Variants in RECK observed in about 807,000 individuals in gnomAD.
The protein encoded by RECK is reversion-inducing cysteine-rich protein with Kazal motifs.
Under a neutral mutation model 115.1 loss-of-function variants are expected in RECK, and 69 were observed. The observed-to-expected ratio is 0.60, with a 90% confidence interval of 0.49 to 0.73. The LOEUF is 0.73. Among genes scored for constraint, RECK ranks in the 30% least tolerant of loss-of-function variants. RECK has a pLI of 0.00. For missense variants in RECK, 1,047 were observed against 1,203.7 expected (o/e 0.87, Z 1.93); for synonymous variants, 414 against 419.7 (o/e 0.99, Z 0.17).
chr9:36,121,467 C>A, intron 19 of RECK, 66 bp from the exon 20 acceptor site: 1 of 1,496,368 alleles, frequency 6.7e-7, no homozygotes, highest in Non-Finnish European at 9.1e-7. Flanking sequence ...CAGCCCAAAG[C>A]AAGGGAGCTT....
chr9:36,112,909 G>C (rs185674962), intron 16 of RECK, among the ~76,000 whole-genome samples: 1 of 152,296 alleles, frequency 6.6e-6, no homozygotes, highest in East Asian at 1.9e-4. Context: ...AAACAGAAAA[G>C]GTAACATAAG....
chr9:36,118,223 T>C (rs1824336472), intron 17 of RECK, among the ~76,000 whole-genome samples: 1 of 152,148 alleles, frequency 6.6e-6, no homozygotes, highest in Admixed American at 6.5e-5. Flanking sequence ...ATTGATCCCA[T>C]CTACCCTGAA....
In RECK at chr9:36,086,574, G is replaced by A. The variant is rs184633970; in HGVS notation, c.638-1120G>A. Among the ~76,000 whole-genome samples, 22 of 152,374 alleles carry A rather than the reference G, an allele frequency of 1.4e-4. No homozygotes were observed. In the East Asian group the frequency reaches 3.5e-3, roughly 24 times the overall value. On this transcript the variant is annotated intron_variant, in intron 8 of 20. Coordinates refer to ENST00000377966, the MANE Select transcript of RECK (RefSeq NM_021111.3). ...CACAGCATGGAAAGGGACTGGAGCA[G>A]GTTGCCACTGCTGGCTCGGGTGGCC...
rs11273343 is a variant in RECK, at chr9:36,104,292, GTATATATATATATA to G, written c.1436-829_1436-816del. 9.9e-3 allele frequency among the ~76,000 whole-genome samples: 436 copies of G among 43,880 alleles called. 9 individuals are homozygous for G. The highest frequency in any genetic ancestry group is 0.024 in the South Asian group (23 of 958). The allele number at this position is 43,880 out of a possible 152,430, so 28.8% of individuals were successfully genotyped here. ...ATACATAGCATGTGTGTGTGTGTGT[GTATATATATATATA>G]TATATATATATATATATATATTTTT... On this transcript the variant is annotated intron_variant, in intron 12 of 20. Transcript: ENST00000377966.
intron 6 of RECK, among the ~76,000 whole-genome samples, chr9:36,066,413 T>C (rs1318936837): frequency 1.3e-5 from 2 of 152,162 alleles, no homozygotes; most frequent in Non-Finnish European, 2.9e-5. Flanking sequence ...CCTATTGCTG[T>C]GTTTTCTTGG....
intron 8 of RECK, 27 bp downstream of exon 8, chr9:36,083,589 A>C: frequency 6.3e-7 from 1 of 1,594,662 alleles, no homozygotes; most frequent in Non-Finnish European, 8.6e-7. Context: ...TATTCTTCTC[A>C]TTTCAATCTT....
chr9:36,039,558 C>T (rs1325564725), intron 1 of RECK, among the ~76,000 whole-genome samples: 1 of 152,162 alleles, frequency 6.6e-6, no homozygotes, highest in Non-Finnish European at 1.5e-5. Context: ...AAATGACTTG[C>T]TCAATGGTTT....
chr9:36,060,153 C>T lies in RECK; in HGVS notation c.269C>T (p.Pro90Leu), dbSNP rs1402384149. The T allele has an allele frequency of 3.1e-6, 5 of 1,612,886 alleles. No homozygotes were observed. Among genetic ancestry groups the T allele is most frequent in the Non-Finnish European group, 4.2e-6 (5 of 1,179,258 alleles). Residue 90 changes from proline (P) to leucine (L), a missense_variant and splice_region_variant, in exon 4 of 21, where the codon CCA (proline) becomes CTA (leucine). Coordinates refer to ENST00000377966, the MANE Select transcript of RECK (RefSeq NM_021111.3). Reference protein sequence around the residue: ...EIWNCMNSSLPGVFKKSDGWV... With the variant: ...EIWNCMNSSLLGVFKKSDGWV... ...TGGAATTGTATGAATTCATCTTTGC[C>T]AGGTAAGCAATAAAAGTGTAACATT...
At chr9:36,096,353 A>G (rs903770704) in intron 10 of RECK, among the ~76,000 whole-genome samples, 1 of 151,938 alleles carries the variant, frequency 6.6e-6, no homozygotes, top group Non-Finnish European at 1.5e-5. Context: ...CCTGGCCAAC[A>G]TGGTGAAACC....
At chr9:36,073,366 C>A (rs13284674) in intron 6 of RECK, among the ~76,000 whole-genome samples, 314 of 151,944 alleles carry the variant, frequency 2.1e-3, no homozygotes, top group Non-Finnish European at 3.8e-3. Context: ...AACTTAAATG[C>A]CTGAGAGGTA....
Position 36,078,981 on chromosome 9 carries a change from C to T in RECK, c.406-1624C>T, listed in dbSNP as rs140731111. Among the ~76,000 whole-genome samples, 1,119 of 152,106 alleles carry T rather than the reference C, an allele frequency of 7.4e-3. 13 individuals carry two copies. The highest frequency in any genetic ancestry group is 0.024 in the African/African-American group (997 of 41,496). ...CATGATCTCGGCTCACTGCAACCTC[C>T]GCCTCCCAGGTTCAAGTGATTCTCT... On this transcript the variant is annotated intron_variant, in intron 6 of 20. Coordinates refer to ENST00000377966, the MANE Select transcript of RECK (RefSeq NM_021111.3).
intron 10 of RECK, among the ~76,000 whole-genome samples, chr9:36,098,347 T>TA (rs1823441595): frequency 6.6e-6 from 1 of 152,212 alleles, no homozygotes; most frequent in Non-Finnish European, 1.5e-5. Flanking sequence ...TTTGTCCATT[T>TA]AAAAAATTTA....
chr9:36,094,860 C>T lies in RECK; in HGVS notation c.1085+3517C>T, dbSNP rs1372470371. ...CATATTCAGAAATGTTAACACCTCT[C>T]CCTCACTAATAGAACAAATGGAAAA... On this transcript the variant is annotated intron_variant, in intron 10 of 20. Transcript: ENST00000377966. The surrounding 1 kb of genome is among the most constrained non-coding windows in gnomAD (Gnocchi z 4.1). 6.6e-6 allele frequency among the ~76,000 whole-genome samples: 1 copy of T among 152,098 alleles called. No individual in the cohort carries two copies. The highest frequency in any genetic ancestry group is 1.5e-5 in the Non-Finnish European group (1 of 68,012).
intron 6 of RECK, among the ~76,000 whole-genome samples, chr9:36,077,870 C>T (rs1033151934): frequency 4.6e-5 from 7 of 152,096 alleles, no homozygotes; most frequent in Non-Finnish European, 4.4e-5. Flanking sequence ...CATTCACTCT[C>T]TGTTTATTCA....
chr9:36,060,070 T>G (rs1240607101), intron 3 of RECK, 49 bp from the exon 4 acceptor site: 5 of 1,545,404 alleles, frequency 3.2e-6, no homozygotes, highest in Non-Finnish European at 4.5e-6. Flanking sequence ...ATTGTCATAT[T>G]TAGGAACTGG....
intron 12 of RECK, among the ~76,000 whole-genome samples, 187 bp from the exon 13 acceptor site, chr9:36,104,956 G>A (rs2132657098): frequency 6.6e-6 from 1 of 151,902 alleles, no homozygotes; most frequent in African/African-American, 2.4e-5. Context: ...AAGAATGAAT[G>A]TATGTTTATG....
chr9:36,066,471 T>A (rs183926451), intron 6 of RECK, among the ~76,000 whole-genome samples: 1 of 152,118 alleles, frequency 6.6e-6, no homozygotes, highest in African/African-American at 2.4e-5. Context: ...TAGTTTTTAT[T>A]TTTTTTCTTT....
chr9:36,077,763 C>T (rs1209731880), intron 6 of RECK, among the ~76,000 whole-genome samples: 2 of 152,140 alleles, frequency 1.3e-5, no homozygotes, highest in Non-Finnish European at 2.9e-5. Flanking sequence ...CTGGATGTGA[C>T]ATCAAGGGAA....
At chr9:36,103,499 ACTT>A (rs1248797821) in intron 12 of RECK, among the ~76,000 whole-genome samples, 4 of 152,184 alleles carry the variant, frequency 2.6e-5, no homozygotes, top group Middle Eastern at 3.4e-3. Flanking sequence ...AGAGCAAACA[ACTT>A]CTCCCTAGTC....
Sources: gnomAD v4.1 joint callset for allele counts (sites outside exome capture counted in the v4.1 genomes callset) on GRCh38, gnomAD v4.1.1 for gene constraint, Gnocchi (gnomAD v3.1) non-coding constraint, MANE v1.5 for transcripts, NCBI Gene and HGNC (gene_info 2026-07-23, HGNC 2026-07-21) for gene names.